The following SYNE1 variants were observed in gnomAD, a reference collection of about 807,000 sequenced individuals.
The protein encoded by SYNE1 is nesprin-1.
In SYNE1, 616 loss-of-function variants were observed where a neutral mutation model predicts 1,111.0. The ratio of observed to expected loss-of-function variants is 0.55; its 90% CI spans 0.52 to 0.59. The LOEUF is 0.59. Among genes scored for constraint, SYNE1 ranks in the 20% least tolerant of loss-of-function variants. The probability of loss-of-function intolerance (pLI) is 0.00; values close to 1 mark genes in which losing one functional copy is unlikely to be tolerated. For missense variants in SYNE1, 10,006 were observed against 10,417.0 expected (o/e 0.96, Z 1.72); for synonymous variants, 3,855 against 3,825.8 (o/e 1.01, Z -0.28).
intron 77 of SYNE1, 136 bp downstream of exon 77, chr6:152,333,872 A>G (rs2096311394): frequency 8.3e-7 from 1 of 1,205,338 alleles, no homozygotes; most frequent in South Asian, 1.2e-5. Flanking sequence ...ACCTCAACTA[A>G]TCCACCCGCC....
chr6:152,198,994 A>AT (rs2074799827), intron 127 of SYNE1, among the ~76,000 whole-genome samples: 1 of 150,458 alleles, frequency 6.6e-6, no homozygotes, highest in South Asian at 2.1e-4. Context: ...TAAAAAAAAA[A>AT]AAAAAAACCA....
At chr6:152,409,380 T>C in intron 43 of SYNE1, 154 bp from the exon 44 acceptor site, 1 of 1,083,782 alleles carries the variant, frequency 9.2e-7, no homozygotes, top group Non-Finnish European at 1.3e-6. Flanking sequence ...ATAACACCAT[T>C]TTCTTGAATT....
Position 152,333,987 on chromosome 6 carries a change from C to T in SYNE1, c.12794+21G>A, listed in dbSNP as rs748651904. The T allele has an allele frequency of 4.3e-6, 7 of 1,613,824 alleles. No individual in the cohort carries two copies. In the East Asian group the frequency reaches 1.1e-4, roughly 26 times the overall value. ...ATGTCTGGCTTAGCATTTTGGTGAC[C>T]CATGGGAGAATTTCTGTTACCTGGC... On this transcript the variant is annotated intron_variant, in intron 77 of 145. Transcript: ENST00000367255.
At chr6:152,478,041 A>G (rs1331299501) in intron 14 of SYNE1, among the ~76,000 whole-genome samples, 4 of 152,238 alleles carry the variant, frequency 2.6e-5, no homozygotes, top group African/African-American at 9.6e-5. Flanking sequence ...TGCTGGGATT[A>G]TAAGTATGAG....
intron 5 of SYNE1, among the ~76,000 whole-genome samples, chr6:152,521,361 C>T (rs573036391): frequency 6.6e-6 from 1 of 152,208 alleles, no homozygotes; most frequent in African/African-American, 2.4e-5. Context: ...TTCTCTTGGA[C>T]ATGTACCTGA....
At chr6:152,613,941 AGCT>A (rs1262658901) in intron 3 of SYNE1, among the ~76,000 whole-genome samples, 5 of 152,224 alleles carry the variant, frequency 3.3e-5, no homozygotes, top group Non-Finnish European at 5.9e-5. Flanking sequence ...ATAGATAGAA[AGCT>A]GAAACTGGAT....
chr6:152,443,984 C>T (rs1232728846), intron 30 of SYNE1, among the ~76,000 whole-genome samples: 3 of 152,184 alleles, frequency 2.0e-5, no homozygotes, highest in Admixed American at 1.3e-4. Flanking sequence ...ATTTCTCAAA[C>T]TAAAGTGTGT....
rs1186775103 is a variant in SYNE1 at position 152,321,771 on chromosome 6, A to G, written c.16033T>C (p.Tyr5345His). 1.9e-6 allele frequency: 3 copies of G among 1,613,858 alleles called. No homozygotes were observed. In the Admixed American group the frequency reaches 5.0e-5, roughly 27 times the overall value. Residue 5345 changes from tyrosine (Y) to histidine (H), a missense_variant, in exon 83 of 146, where the codon TAT becomes CAT. This residue lies in a region of SYNE1 where 4,955 missense variants were observed against 5,017.2 expected (regional missense o/e 0.99). Transcript: ENST00000367255. ...ATTTCTATTGTTGGATTCCCTAAATATTCTTTCGTTTCCTGAACCCAACAT... is the reference window on the plus strand; with the variant it reads ...ATTTCTATTGTTGGATTCCCTAAATGTTCTTTCGTTTCCTGAACCCAACAT... Reference protein sequence around the residue: ...VKCWVQETKEYLGNPTIEIDA... With the variant: ...VKCWVQETKEHLGNPTIEIDA...
rs1043646357 is a variant in SYNE1, at chr6:152,462,405, C to A, written c.2250+333G>T. ...GGCTATTCAAAATATGCAAATACCACAGTTCATGCAATAAATCCTTTATTA... is the reference window on the plus strand; with the variant it reads ...GGCTATTCAAAATATGCAAATACCAAAGTTCATGCAATAAATCCTTTATTA... On this transcript the variant is annotated intron_variant, in intron 20 of 145. Coordinates refer to ENST00000367255, the MANE Select transcript of SYNE1 (RefSeq NM_182961.4). 2.9e-5 allele frequency: 12 copies of A among 413,642 alleles called. No individual in the cohort carries two copies. The Admixed American group carries it at 4.9e-4, about 17-fold the overall frequency. The allele number at this position is 413,642 out of a possible 1,614,324, so 25.6% of individuals were successfully genotyped here. A position where few individuals can be genotyped will look rare whatever the true frequency, so the allele number is the denominator to read the frequency against.
intron 85 of SYNE1, 62 bp from the exon 86 acceptor site, chr6:152,318,325 C>T (rs1056791983): frequency 3.5e-5 from 55 of 1,576,824 alleles, no homozygotes; most frequent in Middle Eastern, 3.3e-4. Context: ...CCAGGTTTCC[C>T]GAGATCAGAC....
intron 3 of SYNE1, among the ~76,000 whole-genome samples, chr6:152,547,721 G>C (rs888697149): frequency 1.2e-4 from 18 of 152,166 alleles, no homozygotes; most frequent in African/African-American, 4.3e-4. Context: ...AACTCAGAAA[G>C]AGTTTGACTT....
intron 11 of SYNE1, among the ~76,000 whole-genome samples, chr6:152,492,652 C>T (rs1000401196): frequency 2.6e-5 from 4 of 152,234 alleles, no homozygotes; most frequent in Admixed American, 2.6e-4. Flanking sequence ...CTGACTGACT[C>T]CTTCCCAGAT....
chr6:152,339,460 A>T, intron 74 of SYNE1, 94 bp from the exon 75 acceptor site: 2 of 1,540,338 alleles, frequency 1.3e-6, no homozygotes, highest in Admixed American at 1.7e-5. Flanking sequence ...ACATTTCAAA[A>T]ATAGTCTTGC....
chr6:152,398,749 A>G lies in SYNE1; in HGVS notation c.7238-18T>C, dbSNP rs777207191. On this transcript the variant is annotated intron_variant, in intron 48 of 145. Coordinates refer to ENST00000367255, the MANE Select transcript of SYNE1 (RefSeq NM_182961.4). ...CATAGACTCTTTTGAAAGAAAAAAT[A>G]AATAAATAAAAATAAAAAATCAGAA... 1 of 1,576,326 alleles carries G rather than the reference A, an allele frequency of 6.3e-7. No individual in the cohort carries two copies. Among genetic ancestry groups the G allele is most frequent in the Non-Finnish European group, 8.7e-7 (1 of 1,152,522 alleles).
intron 17 of SYNE1, 90 bp from the exon 18 acceptor site, chr6:152,465,550 T>C: frequency 8.5e-7 from 1 of 1,179,826 alleles, no homozygotes; most frequent in Non-Finnish European, 1.2e-6. Flanking sequence ...TGGTGTGCAA[T>C]AGTATCCATC....
Position 152,347,985 on chromosome 6 carries a change from C to T in SYNE1, c.11902-750G>A, listed in dbSNP as rs372318468. Among the ~76,000 whole-genome samples, 99 of 151,948 alleles carry T rather than the reference C, an allele frequency of 6.5e-4. 1 individual carries two copies. In the South Asian group the frequency reaches 0.019, roughly 29 times the overall value. ...GATTACAAGTGTGAGCCACCACGCC[C>T]GGCCTGTTATTACTTTTAATGGCAA... On this transcript the variant is annotated intron_variant, in intron 72 of 145. Coordinates refer to ENST00000367255, the MANE Select transcript of SYNE1 (RefSeq NM_182961.4).
At chr6:152,365,083 T>C in intron 62 of SYNE1, 64 bp from the exon 63 acceptor site, 1 of 1,587,014 alleles carries the variant, frequency 6.3e-7, no homozygotes, top group Non-Finnish European at 8.6e-7. Context: ...CTTTAAATAT[T>C]GCAGAGCTCC....
chr6:152,300,418 T>C (rs1394454492), intron 93 of SYNE1, among the ~76,000 whole-genome samples: 1 of 152,232 alleles, frequency 6.6e-6, no homozygotes, highest in Non-Finnish European at 1.5e-5. Flanking sequence ...ATCATTCCCA[T>C]GACCTAATTT....
At position 152,330,259 on chromosome 6, in the gene SYNE1, A is replaced by G; in HGVS notation, c.14426T>C (p.Leu4809Pro). ...CATTTTGAGCTTCTCCTCTGCAGGC[A>G]GCGTTTCCTCATTCACTTTGGACTG... ...EEQSKVNEET[L>P]PAEEKLKMYH... is the part of the protein sequence containing the mutation. The change falls in exon 78 of 146, where the codon CTG (leucine) becomes CCG (proline). Residue 4809 changes from leucine (L) to proline (P), a missense_variant. By Grantham distance (98) the Leu-to-Pro change is moderately conservative. This residue lies in a region of SYNE1 where 4,955 missense variants were observed against 5,017.2 expected (regional missense o/e 0.99). Transcript: ENST00000367255. The G allele has an allele frequency of 6.2e-7, 1 of 1,614,166 alleles. No individual in the cohort carries two copies.
Sources: gnomAD v4.1 joint callset for allele counts (sites outside exome capture counted in the v4.1 genomes callset) on GRCh38, gnomAD v4.1.1 for gene constraint, gnomAD v4.1.1 regional missense constraint, MANE v1.5 for transcripts, NCBI Gene and HGNC (gene_info 2026-07-23, HGNC 2026-07-21) for gene names.